The following ATG13 variants were observed in gnomAD, a reference collection of about 807,000 sequenced individuals.
ATG13 encodes the protein autophagy related 13.
In ATG13, 23 loss-of-function variants were observed where a neutral mutation model predicts 65.5. The ratio of observed to expected loss-of-function variants is 0.35; its 90% CI spans 0.25 to 0.50. The LOEUF (loss-of-function observed/expected upper bound fraction) is 0.50. ATG13 is among the 20% of genes least tolerant of loss of function. The pLI, the probability that ATG13 is intolerant of heterozygous loss-of-function variation, is 0.98. For missense variants in ATG13, 566 were observed against 677.0 expected (o/e 0.84, Z 1.82); for synonymous variants, 252 against 245.2 (o/e 1.03, Z -0.26).
intron 7 of ATG13, among the ~76,000 whole-genome samples, chr11:46,652,152 GCAT>G (rs2059042536): frequency 6.6e-6 from 1 of 152,086 alleles, no homozygotes; most frequent in Non-Finnish European, 1.5e-5. Context: ...GGAGGCTGAG[GCAT>G]GAGAATCACT....
intron 2 of ATG13, among the ~76,000 whole-genome samples, chr11:46,638,040 C>T (rs192141694): frequency 9.9e-5 from 15 of 152,204 alleles, no homozygotes; most frequent in East Asian, 9.6e-4. Context: ...TTATGGGGTT[C>T]GTGTTTTGAT....
chr11:46,633,047 C>CG (rs2052536456), intron 2 of ATG13, among the ~76,000 whole-genome samples: 1 of 114,452 alleles, frequency 8.7e-6, no homozygotes, highest in Non-Finnish European at 1.8e-5. Context: ...TTTTTGGCAA[C>CG]GGGGTCTTGC....
intron 1 of ATG13, among the ~76,000 whole-genome samples, chr11:46,624,431 A>T (rs193265059): frequency 2.2e-4 from 34 of 152,198 alleles, no homozygotes; most frequent in African/African-American, 7.9e-4. Flanking sequence ...GTCCAGCATC[A>T]AGCTTTGCAT....
intron 9 of ATG13, 58 bp from the exon 10 acceptor site, chr11:46,657,466 T>A: frequency 6.5e-7 from 1 of 1,536,466 alleles, no homozygotes; most frequent in East Asian, 2.2e-5. Context: ...CTCTGAGGAC[T>A]TTGTGGGGGC....
chr11:46,667,675 G>T lies in ATG13; in HGVS notation c.1137-98G>T, dbSNP rs551329609. 1.2e-4 allele frequency: 105 copies of T among 891,306 alleles called. No homozygotes were observed. In the African/African-American group the frequency reaches 1.6e-3, roughly 14 times the overall value. The allele number at this position is 891,306 out of a possible 1,614,324, so 55.2% of individuals were successfully genotyped here. On this transcript the variant is annotated intron_variant, in intron 14 of 18. Transcript: ENST00000683050. ...GATGGGCCAGTGGGGACCAACTCCT[G>T]CCCTAGGCCACAGCCCCACCAGATG...
chr11:46,633,001 A>C (rs938368080), intron 2 of ATG13, among the ~76,000 whole-genome samples: 2 of 102,334 alleles, frequency 2.0e-5, no homozygotes, highest in East Asian at 4.7e-4. Flanking sequence ...CCATTAAAAA[A>C]AAATATATAT....
chr11:46,639,697 G>C (rs2055221769), intron 2 of ATG13, among the ~76,000 whole-genome samples: 2 of 152,008 alleles, frequency 1.3e-5, no homozygotes, highest in African/African-American at 4.8e-5. Flanking sequence ...AGAGTGGGCT[G>C]AAGTGTGGAG....
intron 10 of ATG13, 58 bp downstream of exon 10, chr11:46,657,680 G>C (rs2060311093): frequency 1.4e-6 from 2 of 1,416,140 alleles, no homozygotes; most frequent in Non-Finnish European, 1.9e-6. Context: ...CATCCATCCT[G>C]CACAAGCACA....
At chr11:46,644,433 C>A in intron 3 of ATG13, 73 bp downstream of exon 3, 1 of 1,322,502 alleles carries the variant, frequency 7.6e-7, no homozygotes, top group Non-Finnish European at 1.1e-6. Flanking sequence ...GCGAACAACT[C>A]TCTTTGGAAA....
In ATG13 at chr11:46,672,625, C is replaced by G; in HGVS notation, c.*293C>G. 1 of 1,409,842 alleles carries G rather than the reference C, an allele frequency of 7.1e-7. No homozygotes were observed. Among genetic ancestry groups the G allele is most frequent in the Non-Finnish European group, 9.4e-7 (1 of 1,062,356 alleles). 87.3% of individuals were successfully genotyped at this position (1,409,842 alleles called of 1,614,324 possible). The stretch of plus-strand genomic sequence containing the variant: ...ATCTGTGTGCCCTGCCCATCACCAA[C>G]TGCTTCCCAAGGGTGTCATCCTGTT... On this transcript the variant is annotated 3_prime_UTR_variant, in exon 19 of 19. Coordinates refer to ENST00000683050, the MANE Select transcript of ATG13 (RefSeq NM_001346311.2).
intron 5 of ATG13, 125 bp downstream of exon 5, chr11:46,646,114 G>A: frequency 7.7e-7 from 1 of 1,298,952 alleles, no homozygotes; most frequent in Non-Finnish European, 1.0e-6. Context: ...TTCTCTGAGG[G>A]GGTCATAGTT....
chr11:46,657,599 T>C lies in ATG13; in HGVS notation c.672T>C (p.Ser224=), dbSNP rs201283219. 2,674 of 1,607,486 alleles carry C rather than the reference T, an allele frequency of 1.7e-3. 65 individuals carry two copies. In the South Asian group the frequency reaches 0.028, roughly 17 times the overall value. Reference sequence around the variant, plus strand: ...TGGACCGTCCCTATCCCAGCTCCTCTCCCATGCACCCCTGCAATTACAGGT... The same window carrying C: ...TGGACCGTCCCTATCCCAGCTCCTCCCCCATGCACCCCTGCAATTACAGGT... The part of the protein sequence containing the change: ...HFVDRPYPSS[S]PMHPCNYRTA... Residue 224 remains serine (S), a synonymous_variant, in exon 10 of 19, where the codon TCT becomes TCC. Coordinates refer to ENST00000683050, the MANE Select transcript of ATG13 (RefSeq NM_001346311.2).
At chr11:46,636,417 G>C (rs547058452) in intron 2 of ATG13, among the ~76,000 whole-genome samples, 1 of 151,940 alleles carries the variant, frequency 6.6e-6, no homozygotes, top group Non-Finnish European at 1.5e-5. Flanking sequence ...AATTACCTGG[G>C]CATGGTGGCA....
intron 12 of ATG13, 190 bp downstream of exon 12, chr11:46,664,285 CCCT>C (rs1388288741): frequency 8.9e-5 from 47 of 526,072 alleles, no homozygotes; most frequent in Non-Finnish European, 1.3e-4. Flanking sequence ...TTTCATCTGC[CCCT>C]CCTCCTACCA....
chr11:46,624,325 A>T (rs1194863025), intron 1 of ATG13, among the ~76,000 whole-genome samples: 2 of 152,164 alleles, frequency 1.3e-5, no homozygotes, highest in African/African-American at 4.8e-5. Context: ...TTTAATATTG[A>T]TGCAATACTG....
intron 2 of ATG13, among the ~76,000 whole-genome samples, chr11:46,638,087 T>C (rs2054608606): frequency 6.6e-6 from 1 of 152,202 alleles, no homozygotes; most frequent in African/African-American, 2.4e-5. Context: ...TTCAGGATAA[T>C]TAGCATATTC....
chr11:46,633,521 A>G (rs1047331160), intron 2 of ATG13, among the ~76,000 whole-genome samples: 1 of 150,194 alleles, frequency 6.7e-6, no homozygotes, highest in African/African-American at 2.5e-5. Context: ...CTAATTTTGT[A>G]TTTTTAGTAG....
At chr11:46,656,503 TA>T (rs779900568) in intron 8 of ATG13, 1 of 386,500 alleles carries the variant, frequency 2.6e-6, no homozygotes, top group Non-Finnish European at 4.6e-6. Flanking sequence ...TTACTCTTTA[TA>T]AAACTGTATA....
At chr11:46,653,719 G>A (rs373846619) in intron 7 of ATG13, among the ~76,000 whole-genome samples, 22 of 151,526 alleles carry the variant, frequency 1.5e-4, no homozygotes, top group East Asian at 5.9e-4. Flanking sequence ...ACAGGCACCC[G>A]CCACCACGCC....
Sources: gnomAD v4.1 joint callset for allele counts (sites outside exome capture counted in the v4.1 genomes callset) on GRCh38, gnomAD v4.1.1 for gene constraint, MANE v1.5 for transcripts, NCBI Gene and HGNC (gene_info 2026-07-23, HGNC 2026-07-21) for gene names.